SORCS3: variants seen among roughly 807,000 people sequenced by gnomAD.
The protein encoded by SORCS3 is VPS10 domain-containing receptor SorCS3.
In SORCS3, 57 loss-of-function variants were observed where a neutral mutation model predicts 146.3. The observed-to-expected ratio is 0.39, with a 90% CI of 0.31 to 0.49. SORCS3 has a LOEUF of 0.49. Ranked by LOEUF, SORCS3 falls within the 20% of genes least tolerant of loss-of-function variation. The pLI is 0.92. For missense variants in SORCS3, 1,341 were observed against 1,575.5 expected (o/e 0.85, Z 2.52); for synonymous variants, 653 against 618.5 (o/e 1.06, Z -0.83).
intron 1 of SORCS3, among the ~76,000 whole-genome samples, chr10:104,690,400 G>A (rs753733435): frequency 6.6e-6 from 1 of 152,172 alleles, no homozygotes; most frequent in Admixed American, 6.5e-5. Context: ...TTTGGAAACA[G>A]CCTGGAGAGA....
chr10:105,199,705 A>C (rs1028935256), intron 14 of SORCS3, among the ~76,000 whole-genome samples: 1 of 151,850 alleles, frequency 6.6e-6, no homozygotes, highest in African/African-American at 2.4e-5. Flanking sequence ...ACCGGTCCCA[A>C]TTTTTTTTCT....
At chr10:104,925,363 G>T (rs1336127842) in intron 3 of SORCS3, among the ~76,000 whole-genome samples, 1 of 152,156 alleles carries the variant, frequency 6.6e-6, no homozygotes, top group African/African-American at 2.4e-5. Flanking sequence ...GAATGACCAG[G>T]TTAAACCACT....
intron 7 of SORCS3, among the ~76,000 whole-genome samples, chr10:105,131,395 C>G (rs994139909): frequency 6.6e-6 from 1 of 152,132 alleles, no homozygotes. Context: ...GCACAATCCT[C>G]TAACTGGAAA....
At chr10:105,075,995 G>A (rs192557116) in intron 5 of SORCS3, among the ~76,000 whole-genome samples, 96 of 152,292 alleles carry the variant, frequency 6.3e-4, no homozygotes, top group Non-Finnish European at 1.2e-3. Flanking sequence ...ACATAATCAG[G>A]AAGTGTGGAA....
chr10:105,132,119 C>T (rs2133772990), intron 7 of SORCS3, among the ~76,000 whole-genome samples: 1 of 152,246 alleles, frequency 6.6e-6, no homozygotes. Context: ...AACTTGGGTT[C>T]AAATTCCAGC....
intron 6 of SORCS3, among the ~76,000 whole-genome samples, chr10:105,097,992 C>T (rs1616456): frequency 6.6e-6 from 1 of 152,220 alleles, no homozygotes; most frequent in African/African-American, 2.4e-5. Context: ...GGCACTTCTT[C>T]TAAGGCAAGA....
intron 7 of SORCS3, among the ~76,000 whole-genome samples, chr10:105,107,840 C>G (rs1312487212): frequency 1.3e-5 from 2 of 152,036 alleles, no homozygotes; most frequent in African/African-American, 4.8e-5. Flanking sequence ...ATTTAGAGTC[C>G]AAAACCTGGC....
intron 13 of SORCS3, among the ~76,000 whole-genome samples, chr10:105,172,629 G>C (rs984523595): frequency 1.3e-5 from 2 of 152,144 alleles, no homozygotes; most frequent in African/African-American, 2.4e-5. Flanking sequence ...AATTAATTCA[G>C]TTTTTCTTCT....
chr10:104,799,411 G>T (rs796638296), intron 1 of SORCS3, among the ~76,000 whole-genome samples: 23 of 152,252 alleles, frequency 1.5e-4, no homozygotes, highest in African/African-American at 5.5e-4. Flanking sequence ...GGATGAAGCT[G>T]GAAACCATCA....
intron 1 of SORCS3, among the ~76,000 whole-genome samples, chr10:104,783,709 A>G (rs2017400419): frequency 6.6e-6 from 1 of 152,208 alleles, no homozygotes; most frequent in Non-Finnish European, 1.5e-5. Flanking sequence ...CCTGGGCAAC[A>G]GTGCGAGACT....
intron 10 of SORCS3, 135 bp from the exon 11 acceptor site, chr10:105,158,757 C>G (rs1191238817): frequency 1.1e-5 from 7 of 665,886 alleles, no homozygotes; most frequent in Non-Finnish European, 1.6e-5. Flanking sequence ...ATATCTCCTG[C>G]CCAAAACTGT....
Position 105,252,563 on chromosome 10 carries a change from G to A in SORCS3, c.3106-212G>A, listed in dbSNP as rs148410015. ...CTAGTTTCAGTAAAAATGTATATAA[G>A]AGCAGGGGAGGTAGTGAAACTAATA... On this transcript the variant is annotated intron_variant, in intron 22 of 26. Transcript: ENST00000369701. 4.2e-4 allele frequency among the ~76,000 whole-genome samples: 64 copies of A among 152,320 alleles called. No homozygotes were observed. The East Asian group carries it at 7.1e-3, about 17-fold the overall frequency.
chr10:105,176,809 C>T (rs1462117189), intron 13 of SORCS3, among the ~76,000 whole-genome samples: 1 of 151,908 alleles, frequency 6.6e-6, no homozygotes, highest in East Asian at 1.9e-4. Flanking sequence ...GAGCCGAGAT[C>T]GTGTCACTGC....
chr10:104,689,855 T>C (rs1407952811), intron 1 of SORCS3, among the ~76,000 whole-genome samples: 1 of 152,200 alleles, frequency 6.6e-6, no homozygotes, highest in Non-Finnish European at 1.5e-5. Flanking sequence ...ATTTTCTGAA[T>C]TTGCAGACTG....
In SORCS3 at chr10:104,745,901, T is replaced by C. The variant is rs558214954; in HGVS notation, c.628-96891T>C. 9.0e-4 allele frequency among the ~76,000 whole-genome samples: 137 copies of C among 152,292 alleles called. 4 individuals are homozygous for C. The South Asian group carries it at 0.028, about 31-fold the overall frequency. On this transcript the variant is annotated intron_variant, in intron 1 of 26. Transcript: ENST00000369701. Reference sequence around the variant, plus strand: ...CCAGGTTCTTGTATGTTGTCACAAATGGCAGGGTTTCCTCTTTTTTAGGGC... The same window carrying C: ...CCAGGTTCTTGTATGTTGTCACAAACGGCAGGGTTTCCTCTTTTTTAGGGC...
At chr10:104,831,086 A>T (rs1418541618) in intron 1 of SORCS3, among the ~76,000 whole-genome samples, 3 of 152,086 alleles carry the variant, frequency 2.0e-5, no homozygotes, top group Non-Finnish European at 4.4e-5. Flanking sequence ...TCGGCCTCCT[A>T]AAGTGTTGGG....
At chr10:105,147,377 G>A (rs953082919) in intron 8 of SORCS3, among the ~76,000 whole-genome samples, 6 of 152,076 alleles carry the variant, frequency 3.9e-5, no homozygotes, top group African/African-American at 1.4e-4. Context: ...ATGAATCCTT[G>A]AAAGCCATGG....
At chr10:104,755,497 A>G (rs1276699608) in intron 1 of SORCS3, among the ~76,000 whole-genome samples, 3 of 152,240 alleles carry the variant, frequency 2.0e-5, no homozygotes, top group African/African-American at 7.2e-5. Flanking sequence ...AGGAAATATC[A>G]TAAGAGACAA....
intron 1 of SORCS3, among the ~76,000 whole-genome samples, chr10:104,742,236 T>C (rs866538961): frequency 6.6e-6 from 1 of 152,158 alleles, no homozygotes; most frequent in African/African-American, 2.4e-5. Flanking sequence ...AACCATCATC[T>C]CTTGAAGTTT....
Sources: allele counts gnomAD v4.1 joint callset (sites outside exome capture counted in the v4.1 genomes callset), GRCh38; gene constraint gnomAD v4.1.1; transcripts MANE v1.5; gene names NCBI Gene and HGNC (gene_info 2026-07-23, HGNC 2026-07-21).